PCDH9: variants seen among roughly 807,000 people sequenced by gnomAD.
PCDH9 encodes protocadherin-9.
A neutral mutation model predicts 70.6 loss-of-function variants in PCDH9; 24 were observed. The observed-to-expected ratio is 0.34, with a 90% confidence interval of 0.25 to 0.48. The LOEUF (loss-of-function observed/expected upper bound fraction) is 0.48, where lower values mean the gene tolerates loss of function less well. Among genes scored for constraint, PCDH9 ranks in the 20% least tolerant of loss-of-function variants. The pLI is 0.99. For synonymous variants in PCDH9, 562 were observed against 558.5 expected, an observed-to-expected ratio of 1.01 and a Z score of -0.09; for missense variants, 1,281 against 1,503.6, an observed-to-expected ratio of 0.85 and a Z score of 2.45.
In PCDH9 at chr13:66,662,243, C is replaced by T. The variant is rs143231271; in HGVS notation, c.3139-30832G>A. Among the ~76,000 whole-genome samples the T allele has an allele frequency of 2.5e-3, 382 of 152,036 alleles. 5 individuals are homozygous for T. Among genetic ancestry groups the T allele is most frequent in the East Asian group, 0.02 (104 of 5,152 alleles). ...ATCCTGGCACTTTGGGGGGCTGAGG[C>T]GGGCGGATCACCTAAGGTTGGGAGT... is the stretch of plus-strand genomic sequence containing the variant. On this transcript the variant is annotated intron_variant, in intron 3 of 4. Transcript: ENST00000377865.
intron 4 of PCDH9, among the ~76,000 whole-genome samples, chr13:66,617,948 G>A (rs1283686168): frequency 6.6e-6 from 1 of 152,150 alleles, no homozygotes; most frequent in Non-Finnish European, 1.5e-5. Flanking sequence ...GGAGGAAGGA[G>A]ACAGTCAGGT....
At chr13:67,090,818 T>C (rs1566418422) in intron 2 of PCDH9, among the ~76,000 whole-genome samples, 1 of 152,092 alleles carries the variant, frequency 6.6e-6, no homozygotes. Context: ...AATAATCTAA[T>C]ATAGATATAG....
intron 2 of PCDH9, among the ~76,000 whole-genome samples, chr13:67,132,827 A>G (rs1392338512): frequency 6.6e-6 from 1 of 152,122 alleles, no homozygotes. Flanking sequence ...CATATAGAAT[A>G]AAAATGTTTC....
intron 4 of PCDH9, among the ~76,000 whole-genome samples, chr13:66,374,970 T>A (rs1956722716): frequency 6.6e-6 from 1 of 152,016 alleles, no homozygotes; most frequent in African/African-American, 2.4e-5. Context: ...ACTCAATCAG[T>A]TGACAGTTTT....
intron 4 of PCDH9, among the ~76,000 whole-genome samples, chr13:66,569,248 C>T (rs2076698784): frequency 6.6e-6 from 1 of 151,862 alleles, no homozygotes; most frequent in African/African-American, 2.4e-5. Flanking sequence ...AAACTCCTGA[C>T]CTCAAATGAC....
intron 4 of PCDH9, among the ~76,000 whole-genome samples, chr13:66,309,545 GAATAT>G (rs1382970687): frequency 1.3e-5 from 2 of 151,850 alleles, no homozygotes; most frequent in Non-Finnish European, 2.9e-5. Flanking sequence ...AAATATGATT[GAATAT>G]AATCTATAGT....
At chr13:66,428,929 T>C (rs1957719780) in intron 4 of PCDH9, among the ~76,000 whole-genome samples, 1 of 151,846 alleles carries the variant, frequency 6.6e-6, no homozygotes, top group South Asian at 2.1e-4. Flanking sequence ...ATCAAATAGC[T>C]GCACATTTAG....
chr13:66,492,005 G>T (rs1283539836), intron 4 of PCDH9, among the ~76,000 whole-genome samples: 1 of 152,156 alleles, frequency 6.6e-6, no homozygotes, highest in African/African-American at 2.4e-5. Flanking sequence ...CACAAAGTTT[G>T]GTTCTCAAAT....
At chr13:66,744,894 A>G in intron 3 of PCDH9, among the ~76,000 whole-genome samples, 1 of 152,146 alleles carries the variant, frequency 6.6e-6, no homozygotes. Flanking sequence ...TTACTTGTAA[A>G]TATCTCAGAG....
At chr13:66,813,632 G>A (rs549232814) in intron 3 of PCDH9, among the ~76,000 whole-genome samples, 4 of 151,960 alleles carry the variant, frequency 2.6e-5, no homozygotes, top group South Asian at 2.1e-4. Context: ...AAAATATATC[G>A]TTTGATAATG....
At chr13:66,839,092 A>G (rs1374483620) in intron 3 of PCDH9, among the ~76,000 whole-genome samples, 1 of 151,976 alleles carries the variant, frequency 6.6e-6, no homozygotes, top group East Asian at 1.9e-4. Flanking sequence ...AAAAAACTTT[A>G]AAAATAATAT....
At chr13:66,858,202 G>C (rs1425151061) in intron 3 of PCDH9, among the ~76,000 whole-genome samples, 1 of 152,014 alleles carries the variant, frequency 6.6e-6, no homozygotes, top group East Asian at 1.9e-4. Context: ...AGATTACATT[G>C]TGGAGAGTAT....
chr13:66,378,693 G>A lies in PCDH9; in HGVS notation c.3341-73665C>T, dbSNP rs184551462. ...AGTATTCATTAAATGTTATTACATA[G>A]GAAAGATCTAGAAAGACTAATTGTA... On this transcript the variant is annotated intron_variant, in intron 4 of 4. Transcript: ENST00000377865. Among the ~76,000 whole-genome samples, 480 of 152,206 alleles carry A rather than the reference G, an allele frequency of 3.2e-3. 5 individuals are homozygous for A. Among genetic ancestry groups the A allele is most frequent in the African/African-American group, 0.011 (445 of 41,552 alleles).
At chr13:67,062,118 C>T (rs905453054) in intron 2 of PCDH9, among the ~76,000 whole-genome samples, 22 of 152,202 alleles carry the variant, frequency 1.4e-4, no homozygotes, top group African/African-American at 5.1e-4. Flanking sequence ...TCAGCTTGGG[C>T]GATGTGTCTT....
intron 3 of PCDH9, among the ~76,000 whole-genome samples, chr13:66,845,363 G>A (rs9529148): frequency 0.55 from 84,305 of 152,120 alleles, 24,842 homozygotes; most frequent in South Asian, 0.67. Context: ...CACCTGGCCA[G>A]GTTGTGACAG....
chr13:66,398,574 C>A (rs649474), intron 4 of PCDH9, among the ~76,000 whole-genome samples: 2 of 152,018 alleles, frequency 1.3e-5, no homozygotes, highest in African/African-American at 4.8e-5. Flanking sequence ...TTATAGATAA[C>A]ATTTAAATGA....
intron 4 of PCDH9, among the ~76,000 whole-genome samples, chr13:66,391,693 C>T (rs1476169760): frequency 6.6e-6 from 1 of 151,720 alleles, no homozygotes; most frequent in African/African-American, 2.4e-5. Flanking sequence ...TAGCTTATAC[C>T]ATAGAAGTCT....
chr13:66,432,038 T>C (rs1957780182), intron 4 of PCDH9, among the ~76,000 whole-genome samples: 1 of 152,050 alleles, frequency 6.6e-6, no homozygotes, highest in Non-Finnish European at 1.5e-5. Flanking sequence ...GTTGTGTTTT[T>C]CATGATTTGA....
intron 4 of PCDH9, among the ~76,000 whole-genome samples, chr13:66,425,492 T>C (rs1013208765): frequency 6.6e-6 from 1 of 151,616 alleles, no homozygotes; most frequent in Non-Finnish European, 1.5e-5. Context: ...GAGACTCTTA[T>C]GTTTACCTTT....
Sources: gnomAD v4.1 joint callset for allele counts (sites outside exome capture counted in the v4.1 genomes callset) on GRCh38, gnomAD v4.1.1 for gene constraint, MANE v1.5 for transcripts, NCBI Gene and HGNC (gene_info 2026-07-23, HGNC 2026-07-21) for gene names.